GRID2: variants seen among roughly 807,000 people sequenced by gnomAD.
GRID2 encodes the protein glutamate ionotropic receptor delta type subunit 2.
In GRID2, 33 loss-of-function variants were observed where a neutral mutation model predicts 114.8. The observed-to-expected ratio is 0.29, with a 90% CI of 0.22 to 0.38. The LOEUF is 0.38. Among genes scored for constraint, GRID2 ranks in the 10% least tolerant of loss-of-function variants. GRID2 has a pLI of 1.00. For synonymous variants in GRID2, 505 were observed against 449.9 expected, an observed-to-expected ratio of 1.12 and a Z score of -1.55; for missense variants, 1,184 against 1,257.7, an observed-to-expected ratio of 0.94 and a Z score of 0.89.
intron 2 of GRID2, among the ~76,000 whole-genome samples, chr4:92,919,962 C>T (rs1049969989): frequency 3.3e-5 from 5 of 152,038 alleles, no homozygotes; most frequent in African/African-American, 4.8e-5. Flanking sequence ...TAAAGTCTTC[C>T]GTTATTATTG....
intron 8 of GRID2, among the ~76,000 whole-genome samples, chr4:93,282,982 C>G (rs1752801895): frequency 6.6e-6 from 1 of 151,996 alleles, no homozygotes; most frequent in South Asian, 2.1e-4. Flanking sequence ...AAGGAGGGCA[C>G]CAAGCCATTC....
chr4:92,498,975 G>T (rs1340709332), intron 1 of GRID2, among the ~76,000 whole-genome samples: 1 of 147,476 alleles, frequency 6.8e-6, no homozygotes, highest in Non-Finnish European at 1.5e-5. Flanking sequence ...CCATAATATT[G>T]TCCAATTTTG....
At chr4:92,911,854 T>A (rs1578446927) in intron 2 of GRID2, among the ~76,000 whole-genome samples, 1 of 151,680 alleles carries the variant, frequency 6.6e-6, no homozygotes, top group African/African-American at 2.4e-5. Context: ...CAACAATAAA[T>A]CCCTTGTGGT....
chr4:93,260,109 C>G (rs565993033), intron 8 of GRID2, among the ~76,000 whole-genome samples: 1 of 151,552 alleles, frequency 6.6e-6, no homozygotes, highest in Non-Finnish European at 1.5e-5. Flanking sequence ...ATAATGCATG[C>G]TTATTTTGGA....
intron 1 of GRID2, among the ~76,000 whole-genome samples, chr4:92,411,655 G>GTGTGTGTATATATATATATATATATATA: frequency 5.1e-4 from 43 of 84,642 alleles, no homozygotes; most frequent in Non-Finnish European, 7.5e-4. Flanking sequence ...GTGTGTGTGT[G>GTGTGTGTATATATATATATATATATATA]TATATATATA....
chr4:92,874,384 C>T (rs887678762), intron 2 of GRID2, among the ~76,000 whole-genome samples: 1 of 152,118 alleles, frequency 6.6e-6, no homozygotes, highest in Non-Finnish European at 1.5e-5. Context: ...CGGATAGCAT[C>T]CTACTCATTA....
intron 2 of GRID2, among the ~76,000 whole-genome samples, chr4:93,072,056 A>G (rs1728855904): frequency 6.6e-6 from 1 of 152,122 alleles, no homozygotes; most frequent in Non-Finnish European, 1.5e-5. Flanking sequence ...GGTAATTACA[A>G]TGCAACAAGC....
intron 10 of GRID2, among the ~76,000 whole-genome samples, chr4:93,439,072 C>A (rs1225428510): frequency 6.6e-6 from 1 of 152,028 alleles, no homozygotes; most frequent in Non-Finnish European, 1.5e-5. Flanking sequence ...TTTCTTAATC[C>A]AGTCTATCGT....
chr4:92,350,743 C>T, intron 1 of GRID2, among the ~76,000 whole-genome samples: 1 of 151,650 alleles, frequency 6.6e-6, no homozygotes, highest in South Asian at 2.1e-4. Context: ...TTAGTATATA[C>T]ATAGAGTTGT....
intron 8 of GRID2, among the ~76,000 whole-genome samples, chr4:93,318,116 A>G (rs1213281528): frequency 1.3e-5 from 2 of 149,948 alleles, no homozygotes; most frequent in African/African-American, 4.9e-5. Context: ...ATTTTACATG[A>G]TTTCATATAT....
intron 2 of GRID2, among the ~76,000 whole-genome samples, chr4:92,896,398 G>A (rs749167673): frequency 1.6e-4 from 24 of 152,002 alleles, no homozygotes; most frequent in Non-Finnish European, 2.5e-4. Flanking sequence ...TAATTGTTTC[G>A]CTAATTTATT....
intron 2 of GRID2, among the ~76,000 whole-genome samples, chr4:93,073,738 A>G (rs1274310402): frequency 6.6e-6 from 1 of 152,174 alleles, no homozygotes; most frequent in East Asian, 1.9e-4. Flanking sequence ...GCTGGTCAGG[A>G]AACTGTCTTG....
chr4:92,427,435 A>G (rs190145669), intron 1 of GRID2, among the ~76,000 whole-genome samples: 2 of 152,216 alleles, frequency 1.3e-5, no homozygotes, highest in Non-Finnish European at 2.9e-5. Flanking sequence ...AACCCACATT[A>G]TTGATAAAAA....
At chr4:93,598,125 CTT>C (rs889020584) in intron 13 of GRID2, among the ~76,000 whole-genome samples, 4 of 152,144 alleles carry the variant, frequency 2.6e-5, no homozygotes, top group African/African-American at 9.7e-5. Flanking sequence ...GATGTGGAAA[CTT>C]AAGCTCGTTG....
chr4:93,767,050 T>G (rs1338428654), intron 14 of GRID2, among the ~76,000 whole-genome samples: 1 of 152,204 alleles, frequency 6.6e-6, no homozygotes, highest in East Asian at 1.9e-4. Context: ...GCTGGAAATT[T>G]CTACAAGTAG....
At chr4:93,805,483 T>C (rs1301167042) in intron 1 of GRID2, among the ~76,000 whole-genome samples, 2 of 152,236 alleles carry the variant, frequency 1.3e-5, no homozygotes, top group Non-Finnish European at 2.9e-5. Flanking sequence ...CTTGCTGAAA[T>C]AACTGGTTGG....
At chr4:92,942,505 G>T (rs1372188095) in intron 2 of GRID2, among the ~76,000 whole-genome samples, 2 of 151,960 alleles carry the variant, frequency 1.3e-5, no homozygotes, top group Non-Finnish European at 2.9e-5. Flanking sequence ...CACACTGATG[G>T]GTCTTGACTC....
chr4:92,773,712 T>G (rs2149353850), intron 2 of GRID2, among the ~76,000 whole-genome samples: 1 of 152,182 alleles, frequency 6.6e-6, no homozygotes, highest in Non-Finnish European at 1.5e-5. Flanking sequence ...AATTTTTGTT[T>G]TATCTATCTA....
At chr4:93,098,989 C>CTGTGTGTGTGTG (rs71579585) in intron 3 of GRID2, among the ~76,000 whole-genome samples, 2,781 of 138,944 alleles carry the variant, frequency 0.02, 64 homozygotes, top group Admixed American at 0.035. Flanking sequence ...AGATCATTTC[C>CTGTGTGTGTGTG]TGTGTGTGTG....
Sources: allele counts gnomAD v4.1 joint callset (sites outside exome capture counted in the v4.1 genomes callset), GRCh38; gene constraint gnomAD v4.1.1; transcripts MANE v1.5; gene names NCBI Gene and HGNC (gene_info 2026-07-23, HGNC 2026-07-21).